Variants in AGBL1 observed in about 807,000 individuals in gnomAD.
The protein encoded by AGBL1 is AGBL carboxypeptidase 1.
AGBL1 carries 130 observed loss-of-function variants against 118.9 expected under a neutral mutation model. That is an observed-to-expected ratio of 1.09 (90% CI 0.95 to 1.26). The LOEUF (loss-of-function observed/expected upper bound fraction) is 1.26. Among genes scored for constraint, AGBL1 ranks in the 50% most tolerant of loss-of-function variants. The probability of loss-of-function intolerance (pLI) is 0.00; values close to 1 mark genes in which losing one functional copy is unlikely to be tolerated. For synonymous variants in AGBL1, 555 were observed against 478.9 expected, an observed-to-expected ratio of 1.16 and a Z score of -2.08; for missense variants, 1,584 against 1,298.1, an observed-to-expected ratio of 1.22 and a Z score of -3.38.
At position 86,217,493 on chromosome 15, in the gene AGBL1, GA is replaced by G. The variant is rs1338684195; in HGVS notation, c.489-7420del. ...AAATTAATAAAACAATCACACAACT[GA>G]GTGAATAACTGCAAACTAAATTGTG... On this transcript the variant is annotated intron_variant, in intron 5 of 22. Coordinates refer to ENST00000614907, the MANE Select transcript of AGBL1 (RefSeq NM_001386094.1). 3.9e-5 allele frequency among the ~76,000 whole-genome samples: 6 copies of G among 152,300 alleles called. No individual in the cohort carries two copies. The South Asian group carries it at 6.2e-4, about 16-fold the overall frequency.
intron 18 of AGBL1, among the ~76,000 whole-genome samples, chr15:86,471,826 A>G (rs1340960823): frequency 2.0e-5 from 3 of 152,178 alleles, no homozygotes; most frequent in African/African-American, 7.2e-5. Context: ...CCAAAAAGAT[A>G]TTGGCATGTC....
At chr15:86,808,562 C>T (rs1284420903) in intron 22 of AGBL1, among the ~76,000 whole-genome samples, 1 of 150,904 alleles carries the variant, frequency 6.6e-6, no homozygotes, top group African/African-American at 2.4e-5. Flanking sequence ...TTTATCTTTC[C>T]TTCCTCCCCT....
chr15:86,149,056 C>G (rs1026984545), intron 3 of AGBL1, among the ~76,000 whole-genome samples: 2 of 152,128 alleles, frequency 1.3e-5, no homozygotes, highest in Non-Finnish European at 1.5e-5. Context: ...GAAATAAAAT[C>G]TTTTACAGAC....
intron 17 of AGBL1, among the ~76,000 whole-genome samples, chr15:86,346,575 T>C (rs2080541041): frequency 6.6e-6 from 1 of 152,016 alleles, no homozygotes; most frequent in East Asian, 1.9e-4. Context: ...GGTCTCGATC[T>C]CCTGACCTCA....
In AGBL1 at chr15:86,910,965, T is replaced by G. The variant is rs1308280394; in HGVS notation, c.*3671T>G. On this transcript the variant is annotated 3_prime_UTR_variant, in exon 23 of 23. Coordinates refer to ENST00000614907, the MANE Select transcript of AGBL1 (RefSeq NM_001386094.1). ...CTTGAGAGTTAACTCTCAATAGTTA[T>G]AAGAGCCATTCTTCCAGTCAAGCCA... 6.6e-6 allele frequency: 1 copy of G among 152,206 alleles called. No individual in the cohort carries two copies. The highest frequency in any genetic ancestry group is 1.5e-5 in the Non-Finnish European group (1 of 68,060). 9.4% of individuals were successfully genotyped at this position (152,206 alleles called of 1,614,324 possible). A position where few individuals can be genotyped will look rare whatever the true frequency, so the allele number is the denominator to read the frequency against.
intron 16 of AGBL1, among the ~76,000 whole-genome samples, chr15:86,293,139 C>T (rs1022972443): frequency 2.6e-5 from 4 of 152,104 alleles, no homozygotes; most frequent in East Asian, 1.9e-4. Context: ...ATTCAGATGT[C>T]GGGATTTGTA....
At chr15:86,535,928 C>A (rs978585827) in intron 19 of AGBL1, among the ~76,000 whole-genome samples, 5 of 152,214 alleles carry the variant, frequency 3.3e-5, no homozygotes, top group Middle Eastern at 3.4e-3. Flanking sequence ...TTTCATAACT[C>A]GTGTTAAGGT....
chr15:86,081,301 A>C (rs1483492633), intron 1 of AGBL1, among the ~76,000 whole-genome samples: 2 of 152,172 alleles, frequency 1.3e-5, no homozygotes, highest in African/African-American at 4.8e-5. Context: ...TCGGCCTCCC[A>C]AAATGCTGGG....
At chr15:86,322,601 T>C (rs2080120770) in intron 17 of AGBL1, among the ~76,000 whole-genome samples, 1 of 152,182 alleles carries the variant, frequency 6.6e-6, no homozygotes, top group South Asian at 2.1e-4. Flanking sequence ...TAGTATGCTT[T>C]ATGAATATTG....
intron 18 of AGBL1, among the ~76,000 whole-genome samples, chr15:86,419,519 C>G (rs1479316559): frequency 6.6e-6 from 1 of 151,768 alleles, no homozygotes; most frequent in Non-Finnish European, 1.5e-5. Flanking sequence ...GTTTCAAGCA[C>G]AAAACTGGGT....
intron 18 of AGBL1, among the ~76,000 whole-genome samples, chr15:86,490,353 A>G (rs1301595665): frequency 6.6e-6 from 1 of 152,018 alleles, no homozygotes; most frequent in African/African-American, 2.4e-5. Context: ...ACCTGTAGGC[A>G]TTTTAGCAAT....
intron 6 of AGBL1, among the ~76,000 whole-genome samples, chr15:86,233,846 G>A (rs768271547): frequency 2.0e-5 from 3 of 152,138 alleles, no homozygotes; most frequent in Non-Finnish European, 4.4e-5. Context: ...ACCCAGTGAG[G>A]AGGGTCAGCT....
At chr15:86,745,321 C>T (rs2077740018) in intron 22 of AGBL1, among the ~76,000 whole-genome samples, 1 of 151,984 alleles carries the variant, frequency 6.6e-6, no homozygotes, top group Non-Finnish European at 1.5e-5. Flanking sequence ...AATATAGAGG[C>T]TGTAAGTTTA....
intron 5 of AGBL1, among the ~76,000 whole-genome samples, chr15:86,195,016 G>A (rs938089801): frequency 6.6e-6 from 1 of 152,112 alleles, no homozygotes; most frequent in Non-Finnish European, 1.5e-5. Flanking sequence ...CTAAGCATGA[G>A]TGATTTACTT....
intron 5 of AGBL1, among the ~76,000 whole-genome samples, chr15:86,173,932 T>C (rs1363518028): frequency 2.0e-5 from 3 of 152,148 alleles, no homozygotes; most frequent in Non-Finnish European, 4.4e-5. Context: ...TTTGGGTGTT[T>C]TGTGGTTTCA....
At chr15:86,542,827 T>C (rs577429890) in intron 19 of AGBL1, among the ~76,000 whole-genome samples, 1 of 152,352 alleles carries the variant, frequency 6.6e-6, no homozygotes, top group Admixed American at 6.5e-5. Context: ...ATCTGATAAT[T>C]AATATAGCTA....
intron 22 of AGBL1, among the ~76,000 whole-genome samples, chr15:86,857,903 C>T (rs749907294): frequency 6.6e-5 from 10 of 152,164 alleles, no homozygotes; most frequent in South Asian, 4.1e-4. Context: ...AGCTCTTTCC[C>T]ACATCCCACA....
At chr15:86,139,787 G>A (rs1364283257) in intron 1 of AGBL1, 1 of 153,798 alleles carries the variant, frequency 6.5e-6, no homozygotes, top group African/African-American at 2.4e-5. Context: ...TAAAAACCAG[G>A]GCATTCCTTA....
intron 18 of AGBL1, among the ~76,000 whole-genome samples, chr15:86,403,305 T>C (rs552014199): frequency 9.2e-5 from 14 of 152,272 alleles, no homozygotes; most frequent in African/African-American, 3.4e-4. Flanking sequence ...TCTTAGAGTA[T>C]ATACAACTCT....
Sources: gnomAD v4.1 joint callset for allele counts (sites outside exome capture counted in the v4.1 genomes callset) on GRCh38, gnomAD v4.1.1 for gene constraint, MANE v1.5 for transcripts, NCBI Gene and HGNC (gene_info 2026-07-23, HGNC 2026-07-21) for gene names.